KLF12: variants seen among roughly 807,000 people sequenced by gnomAD.
KLF12 encodes Krueppel-like factor 12.
A neutral mutation model predicts 37.8 loss-of-function variants in KLF12; 9 were observed. The ratio of observed to expected loss-of-function variants is 0.24; its 90% CI spans 0.14 to 0.42. The LOEUF (loss-of-function observed/expected upper bound fraction) is 0.42, where lower values mean the gene tolerates loss of function less well. Ranked by LOEUF, KLF12 falls within the 10% of genes least tolerant of loss-of-function variation. KLF12 has a pLI of 1.00. For missense variants in KLF12, 411 were observed against 516.0 expected, an observed-to-expected ratio of 0.80 and a Z score of 1.97; for synonymous variants, 208 against 202.1, an observed-to-expected ratio of 1.03 and a Z score of -0.25.
the KLF12 span, among the ~76,000 whole-genome samples, chr13:74,285,930 C>T: frequency 6.6e-6 from 1 of 152,174 alleles, no homozygotes; most frequent in African/African-American, 2.4e-5. Flanking sequence ...TTTCCAGCTT[C>T]TACTCTCCTA....
intron 6 of KLF12, among the ~76,000 whole-genome samples, chr13:73,718,370 CAT>C (rs1875974843): frequency 6.6e-6 from 1 of 152,134 alleles, no homozygotes; most frequent in Non-Finnish European, 1.5e-5. Context: ...TACAGAAGGC[CAT>C]GAAATTGCTT....
intron 3 of KLF12, among the ~76,000 whole-genome samples, chr13:73,860,342 A>G (rs1213866704): frequency 6.6e-6 from 1 of 152,194 alleles, no homozygotes; most frequent in African/African-American, 2.4e-5. Context: ...TTTTGTAGAC[A>G]AGCACCTATC....
chr13:74,129,612 C>T (rs9543533), intron 1 of KLF12, among the ~76,000 whole-genome samples: 7 of 151,308 alleles, frequency 4.6e-5, no homozygotes, highest in Non-Finnish European at 2.9e-5. Flanking sequence ...TTGGAGCAGT[C>T]TAATTATTAC....
chr13:73,975,121 T>C (rs2138136398), intron 2 of KLF12, among the ~76,000 whole-genome samples: 1 of 152,344 alleles, frequency 6.6e-6, no homozygotes, highest in East Asian at 1.9e-4. Context: ...TCTAACTAAA[T>C]ATTGAGTATG....
intron 5 of KLF12, among the ~76,000 whole-genome samples, chr13:73,793,375 T>A (rs1217935209): frequency 2.0e-5 from 3 of 152,194 alleles, no homozygotes; most frequent in Non-Finnish European, 2.9e-5. Flanking sequence ...CTGCAATTTT[T>A]AAAAAATTAA....
rs563466083 is a variant in KLF12 at position 74,045,828 on chromosome 13, T to C, written c.-31-50775A>G. ...TGTCACCTGCAATGGGAGGGCATCCTGTCCAGGGCTGTTCCTGCCCTGCGC... is the reference window on the plus strand; with the variant it reads ...TGTCACCTGCAATGGGAGGGCATCCCGTCCAGGGCTGTTCCTGCCCTGCGC... On this transcript the variant is annotated intron_variant, in intron 1 of 7. Transcript: ENST00000377669. Among the ~76,000 whole-genome samples, 7 of 152,326 alleles carry C rather than the reference T, an allele frequency of 4.6e-5. No homozygotes were observed. The South Asian group carries it at 1.4e-3, about 32-fold the overall frequency.
the KLF12 span, among the ~76,000 whole-genome samples, chr13:74,191,840 A>T: frequency 6.6e-6 from 1 of 152,290 alleles, no homozygotes; most frequent in East Asian, 1.9e-4. Flanking sequence ...TATATATATA[A>T]AATGTAAATA....
At chr13:74,099,725 A>T (rs1006505874) in intron 1 of KLF12, among the ~76,000 whole-genome samples, 3 of 152,296 alleles carry the variant, frequency 2.0e-5, no homozygotes, top group Non-Finnish European at 4.4e-5. Flanking sequence ...CACATAATTC[A>T]GCTATTTCAC....
At chr13:74,009,517 T>C (rs986309980) in intron 1 of KLF12, among the ~76,000 whole-genome samples, 7 of 152,140 alleles carry the variant, frequency 4.6e-5, no homozygotes, top group Admixed American at 3.3e-4. Context: ...CTGAAGCTTC[T>C]GGTCTGTGAG....
chr13:73,786,654 G>A (rs1339870997), intron 5 of KLF12, among the ~76,000 whole-genome samples: 4 of 151,726 alleles, frequency 2.6e-5, no homozygotes, highest in African/African-American at 9.7e-5. Context: ...AGGCCGAGGT[G>A]GGAGGATTGC....
chr13:74,032,642 C>A (rs1418303031), intron 1 of KLF12, among the ~76,000 whole-genome samples: 1 of 152,102 alleles, frequency 6.6e-6, no homozygotes, highest in Non-Finnish European at 1.5e-5. Context: ...CAACCCCATT[C>A]TCATGACCCA....
At chr13:73,772,881 C>T (rs748328909) in intron 5 of KLF12, among the ~76,000 whole-genome samples, 7 of 129,578 alleles carry the variant, frequency 5.4e-5, no homozygotes, top group Non-Finnish European at 1.1e-4. Flanking sequence ...GACGGTGGGT[C>T]GAGGGAGGAG....
At chr13:74,134,179 T>A (rs1288953748), upstream of KLF12, among the ~76,000 whole-genome samples, 4 of 108,744 alleles carry the variant, frequency 3.7e-5, no homozygotes, top group Non-Finnish European at 8.1e-5. Flanking sequence ...TGGGGTGGGG[T>A]GCTGTGAGGG....
chr13:73,839,084 T>C (rs1445963402), intron 4 of KLF12, among the ~76,000 whole-genome samples: 1 of 151,048 alleles, frequency 6.6e-6, no homozygotes, highest in Non-Finnish European at 1.5e-5. Flanking sequence ...TATTTGGCTA[T>C]GACATTAACT....
In KLF12 at chr13:73,940,808, C is replaced by T. The variant is rs574795104; in HGVS notation, c.123+3173G>A. 3.3e-5 allele frequency among the ~76,000 whole-genome samples: 5 copies of T among 152,272 alleles called. No individual in the cohort carries two copies. In the South Asian group the frequency reaches 1.0e-3, roughly 32 times the overall value. ...ATCTCATTAAGAGAATGAGGCAAGG[C>T]AGCCAGAACTTTTCACAGAAGAGAT... On this transcript the variant is annotated intron_variant, in intron 3 of 7. Transcript: ENST00000377669.
At chr13:73,959,826 A>C (rs1890964123) in intron 2 of KLF12, among the ~76,000 whole-genome samples, 1 of 152,184 alleles carries the variant, frequency 6.6e-6, no homozygotes, top group African/African-American at 2.4e-5. Flanking sequence ...ATGCATAATA[A>C]AACTTTATTT....
chr13:74,153,065 G>T, the KLF12 span, among the ~76,000 whole-genome samples: 1 of 152,028 alleles, frequency 6.6e-6, no homozygotes, highest in Non-Finnish European at 1.5e-5. Context: ...GCCTGTTACT[G>T]TTAACATATA....
At chr13:73,885,244 A>C (rs908500904) in intron 3 of KLF12, among the ~76,000 whole-genome samples, 4 of 152,020 alleles carry the variant, frequency 2.6e-5, no homozygotes, top group African/African-American at 9.7e-5. Context: ...TCCTCTTACA[A>C]TCTTCCCCCT....
intron 1 of KLF12, among the ~76,000 whole-genome samples, chr13:74,105,812 C>T (rs1876621165): frequency 6.6e-6 from 1 of 152,160 alleles, no homozygotes. Flanking sequence ...ATGCCTAATT[C>T]TCTCCAAAGG....
Sources: gnomAD v4.1 joint callset for allele counts (sites outside exome capture counted in the v4.1 genomes callset) on GRCh38, gnomAD v4.1.1 for gene constraint, MANE v1.5 for transcripts, NCBI Gene and HGNC (gene_info 2026-07-23, HGNC 2026-07-21) for gene names.